The following GUCY2D variants were observed in gnomAD, a reference collection of about 807,000 sequenced individuals.
GUCY2D encodes the protein guanylate cyclase 2D, retinal.
In GUCY2D, 70 loss-of-function variants were observed where a neutral mutation model predicts 101.3. That is an observed-to-expected ratio of 0.69 (90% CI 0.57 to 0.84). GUCY2D has a LOEUF of 0.84. Among genes scored for constraint, GUCY2D ranks in the 40% least tolerant of loss-of-function variants. The pLI is 0.00. For synonymous variants in GUCY2D, 688 were observed against 670.7 expected (o/e 1.03, Z -0.40); for missense variants, 1,460 against 1,542.5 (o/e 0.95, Z 0.90).
In GUCY2D at chr17:8,016,011, C is replaced by G. The variant is rs1289590584; in HGVS notation, c.3128C>G (p.Thr1043Arg). 3 of 1,607,302 alleles carry G rather than the reference C, an allele frequency of 1.9e-6. No individual in the cohort carries two copies. The highest frequency in any genetic ancestry group is 2.2e-5 in the South Asian group (2 of 89,832). The change falls in exon 17 of 20, where the codon ACG becomes AGG. Residue 1043 changes from threonine (T) to arginine (R), a missense_variant. Thr to Arg is a moderately conservative substitution (Grantham distance 71). This residue lies in a region of GUCY2D where 215 missense variants were observed against 227.9 expected (regional missense o/e 0.94). Coordinates refer to ENST00000254854, the MANE Select transcript of GUCY2D (RefSeq NM_000180.4). ...SGYQVELRGR[T>R]ELKGKGAEDT... ...TACCAGGTGGAGCTGCGAGGCCGCACGGAGCTGAAGGTGAGGCAGGGCCCC... is the reference window on the plus strand; with the variant it reads ...TACCAGGTGGAGCTGCGAGGCCGCAGGGAGCTGAAGGTGAGGCAGGGCCCC...
In GUCY2D at chr17:8,003,684, G is replaced by T; in HGVS notation, c.637G>T (p.Ala213Ser). 6.3e-7 allele frequency: 1 copy of T among 1,597,194 alleles called. No homozygotes were observed. The highest frequency in any genetic ancestry group is 8.5e-7 in the Non-Finnish European group (1 of 1,179,146). ...ACTCAGGGCCCGGGGCCTGCCTGTC[G>T]CCTCCGTGACTTCCATGGAGCCCTT... ...TALRARGLPVASVTSMEPLDL... is the reference protein window; with the variant it reads ...TALRARGLPVSSVTSMEPLDL... Residue 213 changes from alanine to serine, a missense_variant, in exon 2 of 20, where the codon GCC (alanine) becomes TCC (serine). By Grantham distance (99) the Ala-to-Ser change is moderately conservative. Transcript: ENST00000254854.
In GUCY2D at chr17:8,002,655, C is replaced by G. The variant is rs149314785; in HGVS notation, c.-89C>G. On this transcript the variant is annotated 5_prime_UTR_variant, in exon 1 of 20. Coordinates refer to ENST00000254854, the MANE Select transcript of GUCY2D (RefSeq NM_000180.4). The surrounding 1 kb of genome is among the most constrained non-coding windows in gnomAD (Gnocchi z 4.9). ...CCCTGGCCTGGGCTGGCAAGGAAGA[C>G]CTGTGGGCGGGCGTCAAAAGGGGGA... 5.3e-3 allele frequency: 1,088 copies of G among 206,978 alleles called. 19 individuals are homozygous for G. The highest frequency in any genetic ancestry group is 0.04 in the South Asian group (381 of 9,584). 12.8% of individuals were successfully genotyped at this position (206,978 alleles called of 1,614,324 possible). A position where few individuals can be genotyped will look rare whatever the true frequency, so the allele number is the denominator to read the frequency against.
rs1975844325 is a variant in GUCY2D at position 8,011,154 on chromosome 17, G to A, written c.1750-990G>A. ...AGCACTTTGGGAGGCTGAGGTGGAT[G>A]GACCACCTGAGGTCAGGAGTTCGAG... On this transcript the variant is annotated intron_variant, in intron 8 of 19. Coordinates refer to ENST00000254854, the MANE Select transcript of GUCY2D (RefSeq NM_000180.4). The surrounding 1 kb of genome is among the most constrained non-coding windows in gnomAD (Gnocchi z 4.3). Among the ~76,000 whole-genome samples the A allele has an allele frequency of 6.6e-6, 1 of 152,108 alleles. No homozygotes were observed. Among genetic ancestry groups the A allele is most frequent in the Non-Finnish European group, 1.5e-5 (1 of 68,036 alleles).
At chr17:8,016,089 C>T (rs1057150611) in intron 17 of GUCY2D, 68 bp downstream of exon 17, 95 of 1,437,082 alleles carry the variant, frequency 6.6e-5, no homozygotes, top group South Asian at 1.2e-5. Flanking sequence ...TCCCGGGCCG[C>T]GGCTGCAAAC....
In GUCY2D at chr17:8,014,500, T is replaced by C; in HGVS notation, c.2413-101T>C. The C allele has an allele frequency of 9.0e-7, 1 of 1,106,302 alleles. No homozygotes were observed. Among genetic ancestry groups the C allele is most frequent in the Admixed American group, 1.7e-5 (1 of 59,114 alleles). The allele number at this position is 1,106,302 out of a possible 1,614,324, so 68.5% of individuals were successfully genotyped here. A position where few individuals can be genotyped will look rare whatever the true frequency, so the allele number is the denominator to read the frequency against. On this transcript the variant is annotated intron_variant, in intron 12 of 19. Coordinates refer to ENST00000254854, the MANE Select transcript of GUCY2D (RefSeq NM_000180.4). This position sits in a 1 kb window ranked among gnomAD's most constrained non-coding sequence, Gnocchi z 4.0. ...ATGAATGGTGGCAGCGGGGTTGGGG[T>C]TCAGAGTGAACAGCCCCATGAGAGG...
rs1352720739 is a variant in GUCY2D at position 8,007,049 on chromosome 17, T to C, written c.1379-11T>C. 1 of 1,610,486 alleles carries C rather than the reference T, an allele frequency of 6.2e-7. No individual in the cohort carries two copies. The highest frequency in any genetic ancestry group is 8.5e-7 in the Non-Finnish European group (1 of 1,176,670). On this transcript the variant is annotated splice_polypyrimidine_tract_variant and intron_variant, in intron 4 of 19. Transcript: ENST00000254854. ...CGCTCCTCAGTATACCTCCTGTCAC[T>C]GTCCCTTCAGGACTGGAGCCGGGCC...
At chr17:8,006,322 G>T in intron 3 of GUCY2D, 41 bp from the exon 4 acceptor site, 1 of 1,486,292 alleles carries the variant, frequency 6.7e-7, no homozygotes, top group Non-Finnish European at 9.3e-7. Flanking sequence ...CTGTCTGTGG[G>T]CTGTGACCCC....
In GUCY2D at chr17:8,003,193, C is replaced by T. The variant is rs774688311; in HGVS notation, c.146C>T (p.Ala49Val). 21 of 1,518,718 alleles carry T rather than the reference C, an allele frequency of 1.4e-5. No individual in the cohort carries two copies. Among genetic ancestry groups the T allele is most frequent in the Non-Finnish European group, 1.8e-5 (21 of 1,139,172 alleles). The allele number at this position is 1,518,718 out of a possible 1,614,324, so 94.1% of individuals were successfully genotyped here. A position where few individuals can be genotyped will look rare whatever the true frequency, so the allele number is the denominator to read the frequency against. Residue 49 changes from alanine to valine, a missense_variant, in exon 2 of 20, where the codon GCC becomes GTC. Around this residue, in one of 3 missense-constraint regions of GUCY2D, gnomAD observed 1,196 missense variants for 1,229.6 expected, o/e 0.97. Coordinates refer to ENST00000254854, the MANE Select transcript of GUCY2D (RefSeq NM_000180.4). ...LLLLLLLQPP[A>V]LSAVFTVGVL... ...CTCCTGCTTCTGCTGCAGCCCCCCG[C>T]CCTCTCCGCCGTGTTCACGGTGGGG...
chr17:8,006,779 G>A (rs1018608333), intron 4 of GUCY2D, 65 bp downstream of exon 4: 138 of 1,343,714 alleles, frequency 1.0e-4, no homozygotes, highest in Non-Finnish European at 1.4e-4. Context: ...AGTGATGAAA[G>A]AGAGTGGACT....
At chr17:8,015,207 C>T in intron 14 of GUCY2D, 121 bp from the exon 15 acceptor site, 1 of 1,101,966 alleles carries the variant, frequency 9.1e-7, no homozygotes, top group Admixed American at 1.9e-5. Context: ...CCAGCTCAGT[C>T]CTTCCACTAG....
chr17:8,013,953 G>A lies in GUCY2D; in HGVS notation c.2337G>A (p.Glu779=), dbSNP rs1975909178. The change falls in exon 12 of 20, where the codon GAG becomes GAA. Residue 779 remains glutamate, a synonymous_variant. Transcript: ENST00000254854. The surrounding 1 kb of genome is among the most constrained non-coding windows in gnomAD (Gnocchi z 5.0). ...TGTCCATGGACCAGGCACCTGTCGA[G>A]TGTATCCTCCTGATGAAGCAGTGCT... is the stretch of plus-strand genomic sequence containing the variant. ...PLVSMDQAPV[E]CILLMKQCWA... 2.5e-6 allele frequency: 4 copies of A among 1,613,760 alleles called. No individual in the cohort carries two copies. The highest frequency in any genetic ancestry group is 3.4e-6 in the Non-Finnish European group (4 of 1,179,708).
chr17:8,012,454 TA>T lies in GUCY2D; in HGVS notation c.1963del (p.Arg655GlyfsTer13). ...TCTTACCCTACCCATTCCAAGGGAA[TA>T]AGGTATCTGCACCATCGAGGCGTGG... ...SSLLLDLIKG[I>X]RYLHHRGVAH... On this transcript the variant is annotated frameshift_variant, in exon 10 of 20. Transcript: ENST00000254854. LOFTEE classifies it high-confidence loss of function. 3.1e-6 allele frequency: 5 copies of T among 1,613,932 alleles called. No individual in the cohort carries two copies. Among genetic ancestry groups the T allele is most frequent in the Non-Finnish European group, 4.2e-6 (5 of 1,179,958 alleles).
intron 10 of GUCY2D, among the ~76,000 whole-genome samples, 159 bp from the exon 11 acceptor site, chr17:8,012,944 A>G (rs1452777253): frequency 1.3e-5 from 2 of 152,192 alleles, no homozygotes; most frequent in African/African-American, 4.8e-5. Flanking sequence ...GCTTTCTCTG[A>G]GATGGCTCCT....
chr17:8,016,182 T>G, intron 17 of GUCY2D, 23 bp from the exon 18 acceptor site: 1 of 1,526,582 alleles, frequency 6.6e-7, no homozygotes, highest in Non-Finnish European at 9.0e-7. Flanking sequence ...GCCTAAGTCC[T>G]TCCCTCTCCC....
Position 8,016,026 on chromosome 17 carries a change from G to T in GUCY2D, c.3138+5G>T. ...CGAGGCCGCACGGAGCTGAAGGTGA[G>T]GCAGGGCCCCAACCCCTCCCGGAGG... On this transcript the variant is annotated splice_donor_5th_base_variant and intron_variant, in intron 17 of 19. Transcript: ENST00000254854. 6.2e-7 allele frequency: 1 copy of T among 1,602,772 alleles called. No homozygotes were observed.
In GUCY2D at chr17:8,015,328, G is replaced by C; in HGVS notation, c.2770G>C (p.Val924Leu). The change falls in exon 15 of 20, where the codon GTG becomes CTG. Residue 924 changes from valine to leucine, a missense_variant and splice_region_variant. Physicochemically the swap from Val to Leu is conservative, Grantham distance 32. Transcript: ENST00000254854. Reference sequence around the variant, plus strand: ...TTCACACAACTCCTTCTTCCCCCAGGTGGAGACAATAGGGGACGCCTATAT... The same window carrying C: ...TTCACACAACTCCTTCTTCCCCCAGCTGGAGACAATAGGGGACGCCTATAT... ...AIIGSHDVYK[V>L]ETIGDAYMVA... 1.2e-6 allele frequency: 2 copies of C among 1,604,992 alleles called. No homozygotes were observed. The highest frequency in any genetic ancestry group is 1.7e-6 in the Non-Finnish European group (2 of 1,179,438).
chr17:8,015,780 G>C lies in GUCY2D; in HGVS notation c.2982G>C (p.Pro994=). 1 of 1,612,282 alleles carries C rather than the reference G, an allele frequency of 6.2e-7. No homozygotes were observed. Among genetic ancestry groups the C allele is most frequent in the Non-Finnish European group, 8.5e-7 (1 of 1,179,538 alleles). The stretch of plus-strand genomic sequence containing the variant: ...CAGGCGTGGTGGGCCTCACCATGCC[G>C]CGGTACTGCCTGTTTGGGGACACGG... ...CVAGVVGLTM[P]RYCLFGDTVN... is the part of the protein sequence containing the mutation. The change falls in exon 16 of 20, where the codon CCG becomes CCC. Residue 994 remains proline, a synonymous_variant. Transcript: ENST00000254854.
intron 7 of GUCY2D, among the ~76,000 whole-genome samples, chr17:8,008,779 T>C (rs900460343): frequency 6.6e-6 from 1 of 152,252 alleles, no homozygotes; most frequent in Non-Finnish European, 1.5e-5. Context: ...TGTCCACTAA[T>C]GCAGCTCCTA....
In GUCY2D at chr17:8,012,579, G is replaced by T. The variant is rs2151802568; in HGVS notation, c.2086G>T (p.Val696Leu). The change falls in exon 10 of 20, where the codon GTG (valine) becomes TTG (leucine). Residue 696 changes from valine (V) to leucine (L), a missense_variant. Val to Leu is a conservative substitution (Grantham distance 32). Coordinates refer to ENST00000254854, the MANE Select transcript of GUCY2D (RefSeq NM_000180.4). ...CGGGAGACTGCTGGAAGCACAGAAG[G>T]TGCTACCGGAGCCTCCCAGAGCGGA... The part of the protein sequence containing the change: ...GHGRLLEAQK[V>L]LPEPPRAEDQ... 6.2e-7 allele frequency: 1 copy of T among 1,613,884 alleles called. No homozygotes were observed. The highest frequency in any genetic ancestry group is 2.2e-5 in the East Asian group (1 of 44,888).
Sources: gnomAD v4.1 joint callset for allele counts (sites outside exome capture counted in the v4.1 genomes callset) on GRCh38, gnomAD v4.1.1 for gene constraint, gnomAD v4.1.1 regional missense constraint, Gnocchi (gnomAD v3.1) non-coding constraint, MANE v1.5 for transcripts, NCBI Gene and HGNC (gene_info 2026-07-23, HGNC 2026-07-21) for gene names.